CPAMD8: variants seen among roughly 807,000 people sequenced by gnomAD.
CPAMD8 encodes the protein C3 and PZP-like alpha-2-macroglobulin domain-containing protein 8.
CPAMD8 carries 146 observed loss-of-function variants against 224.7 expected under a neutral mutation model. The ratio of observed to expected loss-of-function variants is 0.65; its 90% CI spans 0.57 to 0.75. CPAMD8 has a LOEUF of 0.75. CPAMD8 is among the 30% of genes least tolerant of loss of function. The pLI, the probability that CPAMD8 is intolerant of heterozygous loss-of-function variation, is 0.00. For synonymous variants in CPAMD8, 966 were observed against 1,044.6 expected, an observed-to-expected ratio of 0.92 and a Z score of 1.45; for missense variants, 2,301 against 2,537.5, an observed-to-expected ratio of 0.91 and a Z score of 2.00.
intron 19 of CPAMD8, among the ~76,000 whole-genome samples, chr19:16,953,846 T>C (rs536410290): frequency 1.2e-4 from 18 of 152,100 alleles, no homozygotes; most frequent in Admixed American, 3.9e-4. Flanking sequence ...CCAAAGAAGA[T>C]AGACAAATGA....
chr19:16,938,349 C>CCAG lies in CPAMD8; in HGVS notation c.2845+43_2845+45dup, dbSNP rs779780720. 3 of 1,170,440 alleles carry CCAG rather than the reference C, an allele frequency of 2.6e-6. No homozygotes were observed. The South Asian group carries it at 4.4e-5, about 17-fold the overall frequency. The allele number at this position is 1,170,440 out of a possible 1,614,324, so 72.5% of individuals were successfully genotyped here. A position where few individuals can be genotyped will look rare whatever the true frequency, so the allele number is the denominator to read the frequency against. On this transcript the variant is annotated intron_variant, in intron 23 of 41. Coordinates refer to ENST00000443236, the MANE Select transcript of CPAMD8 (RefSeq NM_015692.5). ...AAAGGGGGAAGGCCAAAGTCCTGACCCAGCCAGGTGGCCACACCTTAGCAG... is the reference window on the plus strand; with the variant it reads ...AAAGGGGGAAGGCCAAAGTCCTGACCCAGCAGCCAGGTGGCCACACCTTAGCAG...
intron 22 of CPAMD8, among the ~76,000 whole-genome samples, chr19:16,939,527 G>T (rs1044067277): frequency 4.6e-5 from 7 of 152,048 alleles, no homozygotes; most frequent in African/African-American, 1.4e-4. Context: ...TCAATTTTAG[G>T]TGTCAACTGG....
intron 3 of CPAMD8, 35 bp downstream of exon 3, chr19:17,020,296 G>A (rs754870422): frequency 1.3e-6 from 2 of 1,512,480 alleles, no homozygotes; most frequent in Admixed American, 1.7e-5. Context: ...TTATTTCCAA[G>A]GTCAGGTTTA....
At chr19:16,926,484 A>T (rs970369890) in intron 25 of CPAMD8, among the ~76,000 whole-genome samples, 1 of 151,704 alleles carries the variant, frequency 6.6e-6, no homozygotes, top group Non-Finnish European at 1.5e-5. Flanking sequence ...CGCCCAGCTA[A>T]TTTTTGTATT....
chr19:16,980,449 A>G (rs1278429058), intron 14 of CPAMD8, 48 bp downstream of exon 14: 2 of 1,573,490 alleles, frequency 1.3e-6, no homozygotes, highest in East Asian at 2.3e-5. Flanking sequence ...CTCAGTCTCA[A>G]TTGTTCAGAA....
chr19:16,918,693 C>T (rs960210473), intron 27 of CPAMD8, among the ~76,000 whole-genome samples: 1 of 151,482 alleles, frequency 6.6e-6, no homozygotes, highest in Admixed American at 6.6e-5. Context: ...ACAATCTTCC[C>T]GATTCAGCTT....
In CPAMD8 at chr19:17,020,341, A is replaced by T. The variant is rs757289775; in HGVS notation, c.257T>A (p.Ile86Asn). The T allele has an allele frequency of 3.8e-6, 6 of 1,588,150 alleles. No homozygotes were observed. The East Asian group carries it at 1.3e-4, about 36-fold the overall frequency. ...SQGAILDKGT[I>N]KLKVPTGLRG... ...AAATCAACGGCTTACCTTGAGTTTG[A>T]TTGTCCCTTTATCTAAAAATGAAAA... The change falls in exon 3 of 42, where the codon ATC becomes AAC. Residue 86 changes from isoleucine (I) to asparagine (N), a missense_variant. Transcript: ENST00000443236.
intron 23 of CPAMD8, among the ~76,000 whole-genome samples, chr19:16,937,710 T>A (rs913949545): frequency 3.4e-5 from 5 of 146,802 alleles, no homozygotes; most frequent in African/African-American, 1.3e-4. Flanking sequence ...TGGAGTGCAA[T>A]GGCGTGATCT....
chr19:16,938,428 C>T lies in CPAMD8; in HGVS notation c.2812G>A (p.Ala938Thr), dbSNP rs538730741. 13 of 1,578,236 alleles carry T rather than the reference C, an allele frequency of 8.2e-6. No individual in the cohort carries two copies. Among genetic ancestry groups the T allele is most frequent in the Middle Eastern group, 1.7e-4 (1 of 5,966 alleles). ...VMVEAEGVPR[A>T]YTYSAFFCPS... ...CAGAAGAATGCGCTGTAGGTGTACG[C>T]CCGGGGGACTCCTTCCGCCTGAAAC... The change falls in exon 23 of 42, where the codon GCG (alanine) becomes ACG (threonine). Residue 938 changes from alanine (A) to threonine (T), a missense_variant. Transcript: ENST00000443236.
intron 20 of CPAMD8, among the ~76,000 whole-genome samples, chr19:16,951,126 A>G (rs2054285507): frequency 6.6e-6 from 1 of 152,140 alleles, no homozygotes; most frequent in African/African-American, 2.4e-5. Context: ...TAACTCATTT[A>G]ACCCTTTAAC....
At chr19:16,937,746 C>T (rs530310855) in intron 23 of CPAMD8, among the ~76,000 whole-genome samples, 12 of 151,562 alleles carry the variant, frequency 7.9e-5, no homozygotes, top group African/African-American at 2.4e-4. Flanking sequence ...TCCGCCTCCC[C>T]GGTTCAAGTG....
chr19:16,917,727 C>G (rs1003394769), intron 27 of CPAMD8, among the ~76,000 whole-genome samples: 2 of 151,988 alleles, frequency 1.3e-5, no homozygotes, highest in African/African-American at 4.8e-5. Context: ...GGAAACAGAG[C>G]GAGATCTTGT....
intron 22 of CPAMD8, among the ~76,000 whole-genome samples, chr19:16,943,271 C>G (rs560705688): frequency 6.6e-5 from 10 of 152,132 alleles, no homozygotes; most frequent in Admixed American, 6.5e-4. Flanking sequence ...CCACCTTGGC[C>G]TCCCAAAGTG....
Position 16,961,306 on chromosome 19 carries a change from C to G in CPAMD8, c.2214-3391G>C, listed in dbSNP as rs150671214. On this transcript the variant is annotated intron_variant, in intron 18 of 41. Transcript: ENST00000443236. Reference sequence around the variant, plus strand: ...TGTACCTGGAAAAACAGGACACTCTCGCCCAAATACTGAGCTTTTCCCATG... The same window carrying G: ...TGTACCTGGAAAAACAGGACACTCTGGCCCAAATACTGAGCTTTTCCCATG... 2.5e-3 allele frequency among the ~76,000 whole-genome samples: 376 copies of G among 152,356 alleles called. 2 individuals carry two copies. Among genetic ancestry groups the G allele is most frequent in the African/African-American group, 8.4e-3 (348 of 41,588 alleles).
intron 3 of CPAMD8, among the ~76,000 whole-genome samples, chr19:17,018,029 TAA>T (rs35265697): frequency 6.6e-4 from 88 of 132,876 alleles, no homozygotes; most frequent in Non-Finnish European, 8.0e-4. Context: ...CAAGACTGCT[TAA>T]AAAAAAAAAA....
At chr19:17,015,080 G>A (rs1159861379) in intron 3 of CPAMD8, among the ~76,000 whole-genome samples, 1 of 152,020 alleles carries the variant, frequency 6.6e-6, no homozygotes, top group Non-Finnish European at 1.5e-5. Context: ...CGTCTCTACT[G>A]AAAATACAAA....
In CPAMD8 at chr19:16,893,036, C is replaced by G. The variant is rs1294512782; in HGVS notation, c.*72G>C. 60 of 788,512 alleles carry G rather than the reference C, an allele frequency of 7.6e-5. No individual in the cohort carries two copies. 48.8% of individuals were successfully genotyped at this position (788,512 alleles called of 1,614,324 possible). A position where few individuals can be genotyped will look rare whatever the true frequency, so the allele number is the denominator to read the frequency against. On this transcript the variant is annotated 3_prime_UTR_variant, in exon 42 of 42. Transcript: ENST00000443236. ...TTTTCTGAGATGTTAACCACAGGCA[C>G]AAGCTGGGTGTGTGGGTATGAATGG... is the stretch of plus-strand genomic sequence containing the variant.
intron 20 of CPAMD8, among the ~76,000 whole-genome samples, chr19:16,948,175 T>C (rs2054169354): frequency 6.6e-6 from 1 of 152,194 alleles, no homozygotes; most frequent in South Asian, 2.1e-4. Context: ...AACCAGCATA[T>C]ATGGAGCACC....
At chr19:17,020,450 A>G in intron 2 of CPAMD8, 97 bp from the exon 3 acceptor site, 1 of 896,586 alleles carries the variant, frequency 1.1e-6, no homozygotes, top group South Asian at 1.3e-5. Flanking sequence ...TTCTTAACCC[A>G]AAGGGGTTTC....
Sources: gnomAD v4.1 joint callset for allele counts (sites outside exome capture counted in the v4.1 genomes callset) on GRCh38, gnomAD v4.1.1 for gene constraint, MANE v1.5 for transcripts, NCBI Gene and HGNC (gene_info 2026-07-23, HGNC 2026-07-21) for gene names.